The following DLC1 variants were observed in gnomAD, a reference collection of about 807,000 sequenced individuals.
The protein encoded by DLC1 is rho GTPase-activating protein 7.
In DLC1, 54 loss-of-function variants were observed where a neutral mutation model predicts 140.3. That is an observed-to-expected ratio of 0.38 (90% CI 0.31 to 0.48). The LOEUF is 0.48. DLC1 is among the 20% of genes least tolerant of loss of function. The probability of loss-of-function intolerance (pLI) is 0.96; values close to 1 mark genes in which losing one functional copy is unlikely to be tolerated. For synonymous variants in DLC1, 986 were observed against 728.1 expected, an observed-to-expected ratio of 1.35 and a Z score of -5.70; for missense variants, 2,536 against 1,907.0, an observed-to-expected ratio of 1.33 and a Z score of -6.14.
intron 1 of DLC1, among the ~76,000 whole-genome samples, chr8:13,601,065 G>A (rs1339517573): frequency 4.6e-5 from 7 of 151,542 alleles, no homozygotes; most frequent in African/African-American, 9.7e-5. Flanking sequence ...AGCCAATCTC[G>A]TAAAGTCATA....
At position 13,088,474 on chromosome 8, in the gene DLC1, G is replaced by A. The variant is rs759302606; in HGVS notation, c.4292+13C>T. ...TCATCCTTGTCACAAAAAAACAACT[G>A]GGAAGCGCTCACCTTAAAACAACGT... On this transcript the variant is annotated intron_variant, in intron 16 of 17. Coordinates refer to ENST00000276297, the MANE Select transcript of DLC1 (RefSeq NM_182643.3). 3.8e-5 allele frequency: 61 copies of A among 1,613,714 alleles called. No individual in the cohort carries two copies. The highest frequency in any genetic ancestry group is 5.1e-5 in the Non-Finnish European group (60 of 1,179,808).
At chr8:13,578,445 A>G (rs754232211) in intron 1 of DLC1, among the ~76,000 whole-genome samples, 6 of 152,176 alleles carry the variant, frequency 3.9e-5, no homozygotes, top group Non-Finnish European at 8.8e-5. Flanking sequence ...TGGGTGTCCT[A>G]GAATTCATTC....
chr8:13,219,383 T>C (rs1540879), intron 5 of DLC1, among the ~76,000 whole-genome samples: 6,386 of 134,818 alleles, frequency 0.047, 368 homozygotes, highest in South Asian at 0.08. Context: ...TATATAATTA[T>C]ATTTCATATA....
rs146841571 is a variant in DLC1, at chr8:13,477,394, G to T, written c.1023+21655C>A. 1.1e-4 allele frequency among the ~76,000 whole-genome samples: 16 copies of T among 152,278 alleles called. No homozygotes were observed. The East Asian group carries it at 3.1e-3, about 29-fold the overall frequency. Reference sequence around the variant, plus strand: ...CAGCCACTACTGAGAAGCAGTAAGAGCCCGTGGGAGACCAGGAGCACGGAT... The same window carrying T: ...CAGCCACTACTGAGAAGCAGTAAGATCCCGTGGGAGACCAGGAGCACGGAT... On this transcript the variant is annotated intron_variant, in intron 2 of 17. Transcript: ENST00000276297.
chr8:13,132,234 T>C (rs1274228384), intron 5 of DLC1, among the ~76,000 whole-genome samples: 1 of 151,542 alleles, frequency 6.6e-6, no homozygotes, highest in Non-Finnish European at 1.5e-5. Flanking sequence ...TGTGTGTGTG[T>C]GTGTGTGTTT....
At chr8:13,571,323 T>A (rs1054144899) in intron 1 of DLC1, among the ~76,000 whole-genome samples, 4 of 152,170 alleles carry the variant, frequency 2.6e-5, no homozygotes, top group Non-Finnish European at 5.9e-5. Flanking sequence ...CAGAATTTTT[T>A]ATCACCTCAA....
chr8:13,412,277 C>T (rs1837814936), intron 2 of DLC1, among the ~76,000 whole-genome samples: 1 of 152,060 alleles, frequency 6.6e-6, no homozygotes, highest in African/African-American at 2.4e-5. Context: ...GAAATCATGA[C>T]CACACTCAAG....
chr8:13,589,827 CAAGA>C (rs1805456574), intron 1 of DLC1, among the ~76,000 whole-genome samples: 1 of 149,900 alleles, frequency 6.7e-6, no homozygotes, highest in Non-Finnish European at 1.5e-5. Flanking sequence ...TTTTAATAAT[CAAGA>C]AAAAAGAAAT....
chr8:13,317,013 G>A (rs1586125238), intron 4 of DLC1, among the ~76,000 whole-genome samples: 1 of 152,024 alleles, frequency 6.6e-6, no homozygotes, highest in South Asian at 2.1e-4. Context: ...AGAGTTATGT[G>A]AGACATGGAC....
intron 15 of DLC1, 148 bp downstream of exon 15, chr8:13,090,104 G>T: frequency 1.5e-6 from 1 of 675,446 alleles, no homozygotes; most frequent in Non-Finnish European, 2.5e-6. Flanking sequence ...TCACCACGGG[G>T]ATCTTACTCA....
At chr8:13,474,866 C>G (rs1272688877) in intron 2 of DLC1, among the ~76,000 whole-genome samples, 1 of 152,212 alleles carries the variant, frequency 6.6e-6, no homozygotes, top group Non-Finnish European at 1.5e-5. Context: ...TAGGAAGTAA[C>G]TAACTTGCTT....
chr8:13,110,830 G>T lies in DLC1; in HGVS notation c.1421-7C>A. ...TCGATGGGGAACAGGAAATCTATGA[G>T]AAAAATAAACAGATGTATTTGTTGA... On this transcript the variant is annotated splice_region_variant and splice_polypyrimidine_tract_variant and intron_variant, in intron 6 of 17. Coordinates refer to ENST00000276297, the MANE Select transcript of DLC1 (RefSeq NM_182643.3). 6.2e-7 allele frequency: 1 copy of T among 1,613,494 alleles called. No homozygotes were observed. The highest frequency in any genetic ancestry group is 8.5e-7 in the Non-Finnish European group (1 of 1,179,814).
chr8:13,412,390 A>G (rs1230544465), intron 2 of DLC1, among the ~76,000 whole-genome samples: 1 of 152,204 alleles, frequency 6.6e-6, no homozygotes, highest in African/African-American at 2.4e-5. Context: ...CTGGTAATTT[A>G]ATTTTAGATA....
At chr8:13,086,992 C>T (rs114065853) in intron 16 of DLC1, among the ~76,000 whole-genome samples, 3 of 151,974 alleles carry the variant, frequency 2.0e-5, no homozygotes, top group African/African-American at 4.8e-5. Flanking sequence ...AAAGTGATAC[C>T]CCCCCATCTC....
intron 2 of DLC1, among the ~76,000 whole-genome samples, chr8:13,497,896 G>A (rs1801587542): frequency 6.6e-6 from 1 of 152,180 alleles, no homozygotes; most frequent in African/African-American, 2.4e-5. Flanking sequence ...GATTTTTGCT[G>A]TAAAGTCTTT....
chr8:13,357,629 A>G (rs73203983), intron 4 of DLC1, among the ~76,000 whole-genome samples: 19,374 of 152,248 alleles, frequency 0.13, 1,381 homozygotes, highest in South Asian at 0.16. Flanking sequence ...GAAATTCTGA[A>G]CACAGTTTCA....
At chr8:13,222,577 A>G (rs1333058860) in intron 5 of DLC1, among the ~76,000 whole-genome samples, 1 of 152,178 alleles carries the variant, frequency 6.6e-6, no homozygotes. Context: ...CCCAAATCTA[A>G]GCATGACCTG....
At chr8:13,463,992 G>C (rs1799806281) in intron 2 of DLC1, among the ~76,000 whole-genome samples, 1 of 152,134 alleles carries the variant, frequency 6.6e-6, no homozygotes, top group Admixed American at 6.5e-5. Context: ...GATGAAATTT[G>C]AGCACAGTGA....
rs1563149780 is a variant in DLC1 at position 13,188,827 on chromosome 8, G to GTATA, written c.1349-73174_1349-73171dup. 6.3e-4 allele frequency among the ~76,000 whole-genome samples: 18 copies of GTATA among 28,620 alleles called. 1 individual carries two copies. Among genetic ancestry groups the GTATA allele is most frequent in the South Asian group, 1.1e-3 (1 of 896 alleles). The allele number at this position is 28,620 out of a possible 152,430, so 18.8% of individuals were successfully genotyped here. ...TATATATATATATATATATATATAT[G>GTATA]TATATATATATATATATTTTTTTTT... On this transcript the variant is annotated intron_variant, in intron 5 of 17. Coordinates refer to ENST00000276297, the MANE Select transcript of DLC1 (RefSeq NM_182643.3).
Sources: gnomAD v4.1 joint callset for allele counts (sites outside exome capture counted in the v4.1 genomes callset) on GRCh38, gnomAD v4.1.1 for gene constraint, MANE v1.5 for transcripts, NCBI Gene and HGNC (gene_info 2026-07-23, HGNC 2026-07-21) for gene names.